Variants in SLC12A6 observed in about 807,000 individuals in gnomAD.
SLC12A6 encodes the protein solute carrier family 12 member 6.
A neutral mutation model predicts 135.3 loss-of-function variants in SLC12A6; 66 were observed. That is an observed-to-expected ratio of 0.49 (90% CI 0.40 to 0.60). The LOEUF (loss-of-function observed/expected upper bound fraction) is 0.60. Ranked by LOEUF, SLC12A6 falls within the 20% of genes least tolerant of loss-of-function variation. The probability of loss-of-function intolerance (pLI) is 0.00; values close to 1 mark genes in which losing one functional copy is unlikely to be tolerated. For synonymous variants in SLC12A6, 513 were observed against 508.8 expected, an observed-to-expected ratio of 1.01 and a Z score of -0.11; for missense variants, 1,058 against 1,452.3, an observed-to-expected ratio of 0.73 and a Z score of 4.41.
At chr15:34,273,395 C>T (rs779223682) in intron 3 of SLC12A6, among the ~76,000 whole-genome samples, 3 of 152,234 alleles carry the variant, frequency 2.0e-5, no homozygotes, top group Middle Eastern at 3.4e-3. Context: ...TAACATCACA[C>T]GGTCAGGACC....
intron 2 of SLC12A6, among the ~76,000 whole-genome samples, chr15:34,302,950 C>G (rs1364774911): frequency 7.6e-6 from 1 of 131,070 alleles, no homozygotes; most frequent in Non-Finnish European, 1.5e-5. Context: ...GAAGGGAGAC[C>G]CTGTCTCAAA....
intron 2 of SLC12A6, among the ~76,000 whole-genome samples, chr15:34,317,417 T>C (rs2141109274): frequency 6.6e-6 from 1 of 152,210 alleles, no homozygotes; most frequent in East Asian, 1.9e-4. Flanking sequence ...TAAAAGTAAC[T>C]TTGAGGCCGG....
chr15:34,285,707 TGTGTGTTTG>T (rs1201059794), intron 2 of SLC12A6, among the ~76,000 whole-genome samples: 1 of 272 alleles, frequency 3.7e-3, no homozygotes, highest in African/African-American at 0.02. Flanking sequence ...TGTGTGTGTG[TGTGTGTTTG>T]TCATACATAA....
chr15:34,249,947 C>T (rs1892270560), intron 13 of SLC12A6, among the ~76,000 whole-genome samples: 1 of 152,164 alleles, frequency 6.6e-6, no homozygotes, highest in Admixed American at 6.5e-5. Flanking sequence ...CTTTGTCACC[C>T]AGGCTGGAGT....
rs771051864 is a variant in SLC12A6 at position 34,245,759 on chromosome 15, C to T, written c.1758G>A (p.Gln586=). Residue 586 remains glutamine, a synonymous_variant, in exon 14 of 26, where the codon CAG becomes CAA. Transcript: ENST00000354181. ...SFFSTCGAGL[Q]SLTGAPRLLQ... is the part of the protein sequence containing the mutation. The stretch of plus-strand genomic sequence containing the variant: ...GCAGCCTCGGTGCACCTGTGAGGCT[C>T]TGAAGTCCAGCCCCACATGTTGAAA... 1.2e-6 allele frequency: 2 copies of T among 1,613,312 alleles called. No individual in the cohort carries two copies. Among genetic ancestry groups the T allele is most frequent in the African/African-American group, 2.7e-5 (2 of 74,988 alleles).
chr15:34,311,480 T>A (rs988952766), intron 2 of SLC12A6, among the ~76,000 whole-genome samples: 2 of 152,226 alleles, frequency 1.3e-5, no homozygotes, highest in African/African-American at 4.8e-5. Flanking sequence ...GTTTCGATAA[T>A]GCTCACATCA....
intron 2 of SLC12A6, chr15:34,318,788 AAG>A: frequency 1.3e-6 from 2 of 1,575,952 alleles, no homozygotes; most frequent in Non-Finnish European, 1.7e-6. Flanking sequence ...CCCTGCCTAC[AAG>A]AGACAGTGGC....
At chr15:34,250,172 C>T (rs761025839) in intron 13 of SLC12A6, 126 bp downstream of exon 13, 9 of 756,362 alleles carry the variant, frequency 1.2e-5, no homozygotes, top group East Asian at 2.5e-5. Context: ...CCCAAAGTGC[C>T]GGGATTACAG....
At chr15:34,285,770 A>G (rs931434483) in intron 2 of SLC12A6, among the ~76,000 whole-genome samples, 2 of 136,940 alleles carry the variant, frequency 1.5e-5, no homozygotes, top group African/African-American at 3.0e-5. Flanking sequence ...AAATTCAGAC[A>G]CATGCTACAA....
intron 2 of SLC12A6, among the ~76,000 whole-genome samples, chr15:34,287,829 GCTT>G (rs1228470334): frequency 1.2e-4 from 18 of 152,066 alleles, no homozygotes; most frequent in Admixed American, 1.2e-3. Context: ...GGGGTTGTTT[GCTT>G]TTTTCTGGTA....
At chr15:34,283,761 T>G (rs2140927926) in intron 2 of SLC12A6, among the ~76,000 whole-genome samples, 1 of 152,178 alleles carries the variant, frequency 6.6e-6, no homozygotes, top group East Asian at 1.9e-4. Context: ...TTAGCATTTT[T>G]TTTTTTGAAA....
At chr15:34,284,285 T>TC (rs1341531682) in intron 2 of SLC12A6, among the ~76,000 whole-genome samples, 20 of 140,040 alleles carry the variant, frequency 1.4e-4, no homozygotes, top group African/African-American at 5.3e-4. Context: ...TTCTTTTTTT[T>TC]TTTTTTTTTT....
At chr15:34,261,200 G>A (rs1893101376) in intron 3 of SLC12A6, among the ~76,000 whole-genome samples, 180 bp from the exon 4 acceptor site, 1 of 152,032 alleles carries the variant, frequency 6.6e-6, no homozygotes, top group African/African-American at 2.4e-5. Flanking sequence ...TCTCCAGCAG[G>A]AACAAAAAGA....
At chr15:34,318,110 ACAGT>A (rs946624587) in intron 2 of SLC12A6, among the ~76,000 whole-genome samples, 44 of 152,344 alleles carry the variant, frequency 2.9e-4, no homozygotes, top group African/African-American at 1.0e-3. Context: ...AATCACAAGT[ACAGT>A]CAAAGTCCAC....
intron 2 of SLC12A6, among the ~76,000 whole-genome samples, chr15:34,291,688 CT>C (rs907524699): frequency 5.9e-5 from 9 of 151,972 alleles, no homozygotes; most frequent in South Asian, 4.2e-4. Context: ...TTTCTTTTCA[CT>C]TTTTTTTCTC....
At chr15:34,255,200 A>G (rs1595440745) in intron 8 of SLC12A6, 62 bp downstream of exon 8, 1 of 1,328,688 alleles carries the variant, frequency 7.5e-7, no homozygotes, top group South Asian at 1.2e-5. Flanking sequence ...CTTTCATAGC[A>G]AAGAATAAAC....
At chr15:34,310,300 AGTGTGTGT>A (rs58503652) in intron 2 of SLC12A6, among the ~76,000 whole-genome samples, 135 of 43,582 alleles carry the variant, frequency 3.1e-3, no homozygotes, top group African/African-American at 0.013. Context: ...CCTGGGCTCA[AGTGTGTGT>A]GTGTGTGTGT....
chr15:34,231,583 TCTTTCTTTC>T lies in SLC12A6; in HGVS notation c.*2289_*2297del, dbSNP rs1453243559. 760 of 145,226 alleles carry T rather than the reference TCTTTCTTTC, an allele frequency of 5.2e-3. 13 individuals carry two copies. The highest frequency in any genetic ancestry group is 0.018 in the African/African-American group (709 of 39,842). The allele number at this position is 145,226 out of a possible 1,614,324, so 9.0% of individuals were successfully genotyped here. On this transcript the variant is annotated 3_prime_UTR_variant, in exon 26 of 26. Transcript: ENST00000354181. ...ACAAATCAAAATTACTCAATTTCTT[TCTTTCTTTC>T]TTTTTTTTTTTTTTTGAGATGGAGT... is the stretch of plus-strand genomic sequence containing the variant.
At position 34,241,251 on chromosome 15, in the gene SLC12A6, G is replaced by T; in HGVS notation, c.2249C>A (p.Pro750Gln). 1 of 1,590,592 alleles carries T rather than the reference G, an allele frequency of 6.3e-7. No homozygotes were observed. Among genetic ancestry groups the T allele is most frequent in the Non-Finnish European group, 8.6e-7 (1 of 1,158,622 alleles). Residue 750 changes from proline (P) to glutamine (Q), a missense_variant, in exon 18 of 26, where the codon CCA becomes CAA. Transcript: ENST00000354181. ...TCTTTACCTCCAGTTTTTAGTGTGTGGAGGTCCTTCCTCCAATCGAAGCAA... is the reference window on the plus strand; with the variant it reads ...TCTTTACCTCCAGTTTTTAGTGTGTTGAGGTCCTTCCTCCAATCGAAGCAA... ...FALLRLEEGP[P>Q]HTKNWRPQLL...
Sources: gnomAD v4.1 joint callset for allele counts (sites outside exome capture counted in the v4.1 genomes callset) on GRCh38, gnomAD v4.1.1 for gene constraint, MANE v1.5 for transcripts, NCBI Gene and HGNC (gene_info 2026-07-23, HGNC 2026-07-21) for gene names.